TBX5: variants seen among roughly 807,000 people sequenced by gnomAD.
TBX5 encodes T-box transcription factor 5.
In TBX5, 8 loss-of-function variants were observed where a neutral mutation model predicts 51.1. That is an observed-to-expected ratio of 0.16 (90% CI 0.09 to 0.28). The LOEUF (loss-of-function observed/expected upper bound fraction) is 0.28, where lower values mean the gene tolerates loss of function less well. Ranked by LOEUF, TBX5 falls within the 10% of genes least tolerant of loss-of-function variation. The probability of loss-of-function intolerance (pLI) is 1.00; values close to 1 mark genes in which losing one functional copy is unlikely to be tolerated. For missense variants in TBX5, 589 were observed against 671.7 expected, an observed-to-expected ratio of 0.88 and a Z score of 1.36; for synonymous variants, 302 against 266.4, an observed-to-expected ratio of 1.13 and a Z score of -1.30.
intron 1 of TBX5, among the ~76,000 whole-genome samples, chr12:114,405,157 T>C (rs2136426822): frequency 6.6e-6 from 1 of 152,210 alleles, no homozygotes; most frequent in East Asian, 1.9e-4. Flanking sequence ...TGGCCAGAGA[T>C]CTAGAAATGG....
upstream of TBX5, among the ~76,000 whole-genome samples, chr12:114,406,558 C>T (rs1216810997): frequency 1.3e-5 from 2 of 152,088 alleles, no homozygotes; most frequent in African/African-American, 4.8e-5. Context: ...GCCTGGCCGG[C>T]GCTCGCCTTC....
upstream of TBX5, among the ~76,000 whole-genome samples, chr12:114,407,585 C>T (rs1872306426): frequency 6.6e-6 from 1 of 152,196 alleles, no homozygotes; most frequent in African/African-American, 2.4e-5. Flanking sequence ...ATTTGCTTAG[C>T]TCATTGAGCA....
At chr12:114,379,540 T>C (rs1211223291) in intron 7 of TBX5, among the ~76,000 whole-genome samples, 5 of 152,204 alleles carry the variant, frequency 3.3e-5, no homozygotes, top group East Asian at 1.9e-4. Flanking sequence ...CAGCTTAAGC[T>C]TGGGAGTCAT....
intron 7 of TBX5, among the ~76,000 whole-genome samples, chr12:114,366,931 G>A (rs1033759818): frequency 5.3e-5 from 8 of 152,116 alleles, no homozygotes; most frequent in Non-Finnish European, 1.0e-4. Context: ...ATTTCCTCCT[G>A]AGCTTCTGTC....
chr12:114,372,981 TACACACACACAC>T lies in TBX5; in HGVS notation c.756-6602_756-6591del, dbSNP rs56137685. Among the ~76,000 whole-genome samples, 999 of 142,940 alleles carry T rather than the reference TACACACACACAC, an allele frequency of 7.0e-3. 12 individuals carry two copies. Among genetic ancestry groups the T allele is most frequent in the African/African-American group, 0.024 (930 of 38,980 alleles). The allele number at this position is 142,940 out of a possible 152,430, so 93.8% of individuals were successfully genotyped here. A position where few individuals can be genotyped will look rare whatever the true frequency, so the allele number is the denominator to read the frequency against. The stretch of plus-strand genomic sequence containing the variant: ...GAAAGGCTTAGCGAATATATATACA[TACACACACACAC>T]ACACACACACACACACACACACACA... On this transcript the variant is annotated intron_variant, in intron 7 of 8. Coordinates refer to ENST00000405440, the MANE Select transcript of TBX5 (RefSeq NM_181486.4).
chr12:114,403,915 T>TGTGCCCGCGC lies in TBX5; in HGVS notation c.-27_-18dup. ...GTCGGCCATGGTGCGCCCAGGGCCC[T>TGTGCCCGCGC]GTGCCCGCGCAAGGTTCTGCTCTGA... is the stretch of plus-strand genomic sequence containing the variant. On this transcript the variant is annotated 5_prime_UTR_variant, in exon 2 of 9. Transcript: ENST00000405440. 6.2e-7 allele frequency: 1 copy of TGTGCCCGCGC among 1,608,720 alleles called. No individual in the cohort carries two copies. The highest frequency in any genetic ancestry group is 8.5e-7 in the Non-Finnish European group (1 of 1,179,564).
chr12:114,401,371 A>G (rs2136420823), intron 3 of TBX5, among the ~76,000 whole-genome samples: 1 of 152,326 alleles, frequency 6.6e-6, no homozygotes, highest in South Asian at 2.1e-4. Flanking sequence ...GAGCCACTCC[A>G]AGGTCAGGGA....
At chr12:114,394,596 CT>C in intron 6 of TBX5, 144 bp downstream of exon 6, 1 of 1,088,976 alleles carries the variant, frequency 9.2e-7, no homozygotes, top group South Asian at 1.3e-5. Flanking sequence ...TAGGCTGCAG[CT>C]TTGTCCCCAC....
chr12:114,382,683 G>C (rs1460357904), intron 7 of TBX5, among the ~76,000 whole-genome samples: 1 of 152,134 alleles, frequency 6.6e-6, no homozygotes, highest in African/African-American at 2.4e-5. Flanking sequence ...TGTAATTCCA[G>C]CTACTCAGGA....
At position 114,388,609 on chromosome 12, in the gene TBX5, C is replaced by A. The variant is rs1300248219; in HGVS notation, c.664-3042G>T. ...CCTCCCACCTTGGCCTTCCAAAGTG[C>A]TGAGATTATACACATGAGCCACTAT... On this transcript the variant is annotated intron_variant, in intron 6 of 8. Coordinates refer to ENST00000405440, the MANE Select transcript of TBX5 (RefSeq NM_181486.4). 2.6e-5 allele frequency among the ~76,000 whole-genome samples: 4 copies of A among 151,772 alleles called. No homozygotes were observed. In the East Asian group the frequency reaches 7.8e-4, roughly 30 times the overall value.
At chr12:114,357,155 G>T (rs1046364914) in intron 8 of TBX5, among the ~76,000 whole-genome samples, 2 of 152,162 alleles carry the variant, frequency 1.3e-5, no homozygotes, top group South Asian at 2.1e-4. Context: ...TTAATGTGTT[G>T]CTGTTTCCTG....
chr12:114,394,733 A>C lies in TBX5; in HGVS notation c.663+8T>G, dbSNP rs1386073038. ...CCCCAGGCACTGGTTCCTGGGCTTC[A>C]GGCTTACCTTGTGGTTCTGGTAGGA... On this transcript the variant is annotated splice_region_variant and intron_variant, in intron 6 of 8. Coordinates refer to ENST00000405440, the MANE Select transcript of TBX5 (RefSeq NM_181486.4). 3 of 1,613,970 alleles carry C rather than the reference A, an allele frequency of 1.9e-6. No individual in the cohort carries two copies. Among genetic ancestry groups the C allele is most frequent in the Non-Finnish European group, 2.5e-6 (3 of 1,179,990 alleles).
At chr12:114,399,039 C>T (rs1187709943) in intron 4 of TBX5, among the ~76,000 whole-genome samples, 1 of 152,146 alleles carries the variant, frequency 6.6e-6, no homozygotes, top group East Asian at 1.9e-4. Flanking sequence ...GGGGTTTCAT[C>T]GTCAGGCCCC....
intron 7 of TBX5, among the ~76,000 whole-genome samples, chr12:114,370,269 A>AAAAC (rs761858870): frequency 1.4e-5 from 1 of 70,568 alleles, no homozygotes; most frequent in Non-Finnish European, 3.8e-5. Context: ...AAAAGAAAAG[A>AAAAC]AAAGAAAAGA....
chr12:114,357,082 A>C (rs1868966694), intron 8 of TBX5, among the ~76,000 whole-genome samples: 1 of 152,192 alleles, frequency 6.6e-6, no homozygotes, highest in Admixed American at 6.5e-5. Flanking sequence ...ATGAATGTTC[A>C]AATTCTTTCC....
Position 114,366,301 on chromosome 12 carries a change from G to A in TBX5, c.846C>T (p.Ser282=), listed in dbSNP as rs886048997. The A allele has an allele frequency of 6.2e-7, 1 of 1,614,098 alleles. No homozygotes were observed. Among genetic ancestry groups the A allele is most frequent in the Non-Finnish European group, 8.5e-7 (1 of 1,180,016 alleles). Residue 282 remains serine, a synonymous_variant, in exon 8 of 9, where the codon TCC becomes TCT. Transcript: ENST00000405440. ...ATTGGGACCCCAAATTGGATGAGGT[G>A]GAGAGAGCTCGAGACTCGCTGCTGA... ...SPFSSESRAL[S]TSSNLGSQYQ...
intron 7 of TBX5, among the ~76,000 whole-genome samples, chr12:114,367,247 A>AAG (rs1175873929): frequency 7.9e-4 from 50 of 63,540 alleles, no homozygotes; most frequent in African/African-American, 3.7e-3. Flanking sequence ...AAAAGAAACA[A>AAG]AAAAGGAAAG....
intron 5 of TBX5, among the ~76,000 whole-genome samples, chr12:114,397,037 T>C (rs1871470034): frequency 6.6e-6 from 1 of 152,180 alleles, no homozygotes. Flanking sequence ...CCCATCAGTG[T>C]GGACCCCTGA....
At chr12:114,390,988 C>T (rs376218400) in intron 6 of TBX5, among the ~76,000 whole-genome samples, 15 of 152,240 alleles carry the variant, frequency 9.9e-5, no homozygotes, top group Middle Eastern at 3.4e-3. Context: ...AAATGTGTCT[C>T]GTCATTAGGG....
Sources: allele counts gnomAD v4.1 joint callset (sites outside exome capture counted in the v4.1 genomes callset), GRCh38; gene constraint gnomAD v4.1.1; transcripts MANE v1.5; gene names NCBI Gene and HGNC (gene_info 2026-07-23, HGNC 2026-07-21).